ACBD5: variants seen among roughly 807,000 people sequenced by gnomAD.
The protein encoded by ACBD5 is acyl-CoA binding domain containing 5.
Under a neutral mutation model 71.8 loss-of-function variants are expected in ACBD5, and 40 were observed. The observed-to-expected ratio is 0.56, with a 90% CI of 0.43 to 0.72. The LOEUF (loss-of-function observed/expected upper bound fraction) is 0.72. Ranked by LOEUF, ACBD5 falls within the 30% of genes least tolerant of loss-of-function variation. The pLI, the probability that ACBD5 is intolerant of heterozygous loss-of-function variation, is 0.00. For synonymous variants in ACBD5, 229 were observed against 218.6 expected (o/e 1.05, Z -0.42); for missense variants, 559 against 644.5 (o/e 0.87, Z 1.44).
rs573715522 is a variant in ACBD5 at position 27,231,649 on chromosome 10, C to G, written c.375+99G>C. 68 of 983,300 alleles carry G rather than the reference C, an allele frequency of 6.9e-5. No individual in the cohort carries two copies. In the African/African-American group the frequency reaches 9.9e-4, roughly 14 times the overall value. 60.9% of individuals were successfully genotyped at this position (983,300 alleles called of 1,614,324 possible). A position where few individuals can be genotyped will look rare whatever the true frequency, so the allele number is the denominator to read the frequency against. On this transcript the variant is annotated intron_variant, in intron 4 of 12. Transcript: ENST00000396271. The stretch of plus-strand genomic sequence containing the variant: ...AATCTAGATTCTATTGTATAACATA[C>G]TACAATCTCCTTAAAGCAAAGCAGC...
At position 27,240,047 on chromosome 10, in the gene ACBD5, C is replaced by T. The variant is rs1463856897; in HGVS notation, c.181+272G>A. Among the ~76,000 whole-genome samples, 1 of 152,142 alleles carries T rather than the reference C, an allele frequency of 6.6e-6. No individual in the cohort carries two copies. The highest frequency in any genetic ancestry group is 2.4e-5 in the African/African-American group (1 of 41,426). On this transcript the variant is annotated intron_variant, in intron 2 of 12. Transcript: ENST00000396271. The surrounding 1 kb of genome is among the most constrained non-coding windows in gnomAD (Gnocchi z 4.1). ...ACAGGCTTGAGCCACCGCGCCCGGC[C>T]CGGATTTATTTTTTAACACACCCAA...
At chr10:27,228,644 C>T (rs2063393719) in intron 4 of ACBD5, among the ~76,000 whole-genome samples, 5 of 151,358 alleles carry the variant, frequency 3.3e-5, no homozygotes, top group Admixed American at 3.3e-4. Context: ...TCTCCCACTC[C>T]TCAAACCACA....
chr10:27,223,265 A>T (rs1278322515), intron 5 of ACBD5, 73 bp downstream of exon 5: 1 of 1,160,046 alleles, frequency 8.6e-7, no homozygotes, highest in Non-Finnish European at 1.3e-6. Context: ...AAGAAAAAAA[A>T]TCAGAGATAC....
At chr10:27,198,680 G>A (rs1219043625) in intron 12 of ACBD5, among the ~76,000 whole-genome samples, 1 of 152,210 alleles carries the variant, frequency 6.6e-6, no homozygotes, top group Non-Finnish European at 1.5e-5. Context: ...AGACAAGAGA[G>A]ATGTGGGTTG....
intron 8 of ACBD5, among the ~76,000 whole-genome samples, chr10:27,212,761 C>T (rs11015612): frequency 0.071 from 10,758 of 152,004 alleles, 730 homozygotes; most frequent in African/African-American, 0.17. Flanking sequence ...GTTGCTCACG[C>T]GGCTCTGAAA....
chr10:27,218,262 G>T, intron 6 of ACBD5, 79 bp from the exon 7 acceptor site: 1 of 1,143,534 alleles, frequency 8.7e-7, no homozygotes, highest in Non-Finnish European at 1.3e-6. Flanking sequence ...ATATCCAGCT[G>T]TTATTTCCCT....
chr10:27,223,310 A>C, intron 5 of ACBD5, 28 bp downstream of exon 5: 5 of 1,512,952 alleles, frequency 3.3e-6, no homozygotes, highest in Non-Finnish European at 4.6e-6. Flanking sequence ...TCAGTTGATG[A>C]ATTTAAAAAT....
chr10:27,240,291 G>A lies in ACBD5; in HGVS notation c.181+28C>T, dbSNP rs372583233. The A allele has an allele frequency of 1.9e-6, 3 of 1,614,012 alleles. No homozygotes were observed. Among genetic ancestry groups the A allele is most frequent in the Admixed American group, 1.7e-5 (1 of 60,014 alleles). Reference sequence around the variant, plus strand: ...GGCTTTGGGGCTCTCTGCAGGAGGCGTCTACAGCCGGGGCCCAGCGCACGT... The same window carrying A: ...GGCTTTGGGGCTCTCTGCAGGAGGCATCTACAGCCGGGGCCCAGCGCACGT... On this transcript the variant is annotated intron_variant, in intron 2 of 12. Coordinates refer to ENST00000396271, the MANE Select transcript of ACBD5 (RefSeq NM_145698.5). This position sits in a 1 kb window ranked among gnomAD's most constrained non-coding sequence, Gnocchi z 4.1.
chr10:27,230,567 C>A (rs1384289837), intron 4 of ACBD5, among the ~76,000 whole-genome samples: 6 of 152,226 alleles, frequency 3.9e-5, no homozygotes, highest in Non-Finnish European at 4.4e-5. Flanking sequence ...GAGGCCAAGG[C>A]AGGTGGATCA....
At chr10:27,186,327 GTACT>G (rs2058747197) in intron 13 of ACBD5, 1 of 1,510,320 alleles carries the variant, frequency 6.6e-7, no homozygotes, top group Admixed American at 1.7e-5. Flanking sequence ...CTGTAAAGCA[GTACT>G]TACTTAGGTA....
At chr10:27,234,491 TAA>T (rs57102773) in intron 3 of ACBD5, among the ~76,000 whole-genome samples, 13,326 of 135,896 alleles carry the variant, frequency 0.098, 1,504 homozygotes, top group African/African-American at 0.28. Context: ...GCTCTTGCCT[TAA>T]AAAAAAAAAA....
At position 27,204,479 on chromosome 10, in the gene ACBD5, G is replaced by A. The variant is rs1564573561; in HGVS notation, c.1526C>T (p.Ala509Val). ...LTFAIIWPFI[A>V]QWLVYLYYQR... ...ATAGTATAAATACACCAACCACTGT[G>A]CAATAAAAGGCCATATGATGGCAAA... Residue 509 changes from alanine (A) to valine (V), a missense_variant, in exon 12 of 13, where the codon GCA (alanine) becomes GTA (valine). Ala to Val is a moderately conservative substitution (Grantham distance 64, BLOSUM62 0). Transcript: ENST00000396271. 1 of 1,613,866 alleles carries A rather than the reference G, an allele frequency of 6.2e-7. No individual in the cohort carries two copies. The highest frequency in any genetic ancestry group is 1.7e-5 in the Admixed American group (1 of 59,994).
chr10:27,186,254 G>C, intron 13 of ACBD5: 1 of 1,006,584 alleles, frequency 9.9e-7, no homozygotes, highest in Non-Finnish European at 1.5e-6. Flanking sequence ...ACAAATGTCT[G>C]TGAAACTGAC....
At chr10:27,185,248 C>A (rs2058616787) in intron 13 of ACBD5, among the ~76,000 whole-genome samples, 1 of 152,134 alleles carries the variant, frequency 6.6e-6, no homozygotes, top group South Asian at 2.1e-4. Flanking sequence ...AAAACTGGAG[C>A]ATTCATCATG....
intron 13 of ACBD5, among the ~76,000 whole-genome samples, chr10:27,183,713 T>C (rs149425520): frequency 6.6e-6 from 1 of 152,204 alleles, no homozygotes; most frequent in East Asian, 1.9e-4. Flanking sequence ...ATTTCTTTCT[T>C]TTTTTGGTTT....
At chr10:27,218,242 C>G (rs1589187713) in intron 6 of ACBD5, 59 bp from the exon 7 acceptor site, 1 of 1,321,956 alleles carries the variant, frequency 7.6e-7, no homozygotes, top group East Asian at 2.3e-5. Context: ...CTTCTGCATA[C>G]CATGTTTTAA....
At chr10:27,197,980 T>C (rs542956849) in intron 12 of ACBD5, among the ~76,000 whole-genome samples, 1 of 152,310 alleles carries the variant, frequency 6.6e-6, no homozygotes. Context: ...CATCCTCTCT[T>C]ACTTTCTAGA....
chr10:27,241,366 C>G (rs914275743), upstream of ACBD5, among the ~76,000 whole-genome samples: 2 of 152,156 alleles, frequency 1.3e-5, no homozygotes, highest in Non-Finnish European at 2.9e-5. Flanking sequence ...CATTGGGGAC[C>G]TTGGATGGAG....
chr10:27,185,307 A>C (rs2058621854), intron 13 of ACBD5, among the ~76,000 whole-genome samples: 1 of 151,980 alleles, frequency 6.6e-6, no homozygotes, highest in Non-Finnish European at 1.5e-5. Context: ...AGTAGGCCAC[A>C]CTCTCTTCCC....
Sources: gnomAD v4.1 joint callset for allele counts (sites outside exome capture counted in the v4.1 genomes callset) on GRCh38, gnomAD v4.1.1 for gene constraint, Gnocchi (gnomAD v3.1) non-coding constraint, MANE v1.5 for transcripts, NCBI Gene and HGNC (gene_info 2026-07-23, HGNC 2026-07-21) for gene names.